The following PRDM16 variants were observed in gnomAD, a reference collection of about 807,000 sequenced individuals.
PRDM16 encodes the protein histone-lysine N-methyltransferase PRDM16.
In PRDM16, 23 loss-of-function variants were observed where a neutral mutation model predicts 110.6. The ratio of observed to expected loss-of-function variants is 0.21; its 90% CI spans 0.15 to 0.29. The LOEUF is 0.29. PRDM16 is among the 10% of genes least tolerant of loss of function. The pLI, the probability that PRDM16 is intolerant of heterozygous loss-of-function variation, is 1.00. For synonymous variants in PRDM16, 799 were observed against 781.8 expected, an observed-to-expected ratio of 1.02 and a Z score of -0.37; for missense variants, 1,615 against 1,794.3, an observed-to-expected ratio of 0.90 and a Z score of 1.81.
At chr1:3,404,914 C>T in intron 7 of PRDM16, 28 bp downstream of exon 7, 1 of 1,606,670 alleles carries the variant, frequency 6.2e-7, no homozygotes, top group Non-Finnish European at 8.5e-7. Flanking sequence ...CCCGTCTCAG[C>T]CCCGGGGCAG....
rs3036535 is a variant in PRDM16 at position 3,335,602 on chromosome 1, A to AACACACACACACACAC, written c.439-49525_439-49510dup. On this transcript the variant is annotated intron_variant, in intron 3 of 16. Transcript: ENST00000270722. ...AAATCTAACCTTTGGCTGAGGTTAA[A>AACACACACACACACAC]ACACACACACACACACACACACACA... Among the ~76,000 whole-genome samples, 1,095 of 144,366 alleles carry AACACACACACACACAC rather than the reference A, an allele frequency of 7.6e-3. 7 individuals are homozygous for AACACACACACACACAC. The highest frequency in any genetic ancestry group is 0.038 in the East Asian group (178 of 4,676). The allele number at this position is 144,366 out of a possible 152,430, so 94.7% of individuals were successfully genotyped here.
chr1:3,334,699 C>T (rs1266934787), intron 3 of PRDM16, among the ~76,000 whole-genome samples: 1 of 152,242 alleles, frequency 6.6e-6, no homozygotes, highest in Non-Finnish European at 1.5e-5. Flanking sequence ...GTGGCCTCCA[C>T]CACCTCCAGG....
Position 3,414,619 on chromosome 1 carries a change from G to A in PRDM16, c.2663G>A (p.Arg888Gln), listed in dbSNP as rs201119848. 4.5e-5 allele frequency: 72 copies of A among 1,613,220 alleles called. 1 individual carries two copies. Among genetic ancestry groups the A allele is most frequent in the Middle Eastern group, 1.6e-4 (1 of 6,080 alleles). Residue 888 changes from arginine (R) to glutamine (Q), a missense_variant, in exon 10 of 17, where the codon CGG (arginine) becomes CAG (glutamine). Physicochemically the swap from Arg to Gln is conservative, Grantham distance 43. Coordinates refer to ENST00000270722, the MANE Select transcript of PRDM16 (RefSeq NM_022114.4). ...PVGALKEKYL[R>Q]PSPLLFHPQM... ...GGAGCCCTGAAGGAGAAGTACCTGCGGCCGTCCCCGCTGCTCTTCCACCCC... is the reference window on the plus strand; with the variant it reads ...GGAGCCCTGAAGGAGAAGTACCTGCAGCCGTCCCCGCTGCTCTTCCACCCC...
chr1:3,385,720 G>A (rs950991066), intron 4 of PRDM16, among the ~76,000 whole-genome samples: 4 of 152,210 alleles, frequency 2.6e-5, no homozygotes, highest in African/African-American at 4.8e-5. Flanking sequence ...AGTCCGCACC[G>A]GCCAATGAGG....
chr1:3,222,921 T>C (rs1639202428), intron 2 of PRDM16, among the ~76,000 whole-genome samples: 1 of 151,688 alleles, frequency 6.6e-6, no homozygotes, highest in Non-Finnish European at 1.5e-5. Context: ...TGGAGTTTGG[T>C]GGGTGGGTTG....
chr1:3,189,972 A>C (rs1432804438), intron 2 of PRDM16, among the ~76,000 whole-genome samples: 1 of 152,254 alleles, frequency 6.6e-6, no homozygotes, highest in Non-Finnish European at 1.5e-5. Flanking sequence ...TAAAATGAGA[A>C]GGTCCAATTT....
intron 1 of PRDM16, among the ~76,000 whole-genome samples, chr1:3,185,154 A>T (rs907581843): frequency 6.6e-6 from 1 of 151,100 alleles, no homozygotes; most frequent in Non-Finnish European, 1.5e-5. Flanking sequence ...TCCTGTCCAG[A>T]CTCCTCCTCG....
intron 3 of PRDM16, among the ~76,000 whole-genome samples, chr1:3,364,686 C>G (rs571906742): frequency 3.3e-5 from 5 of 152,238 alleles, no homozygotes; most frequent in East Asian, 1.9e-4. Context: ...CTTCCTCCCC[C>G]ACTCAGCTGC....
intron 2 of PRDM16, among the ~76,000 whole-genome samples, chr1:3,205,683 G>T (rs1272085602): frequency 6.6e-6 from 1 of 152,144 alleles, no homozygotes; most frequent in Admixed American, 6.5e-5. Flanking sequence ...GTGGAATCTG[G>T]TTATGAGGGC....
intron 1 of PRDM16, among the ~76,000 whole-genome samples, chr1:3,077,090 G>C (rs1177552928): frequency 1.3e-5 from 2 of 152,202 alleles, no homozygotes; most frequent in Non-Finnish European, 2.9e-5. Flanking sequence ...CTTTCTGTGT[G>C]GTGTGCTATG....
At chr1:3,421,189 C>T (rs1638416223) in intron 12 of PRDM16, among the ~76,000 whole-genome samples, 2 of 152,182 alleles carry the variant, frequency 1.3e-5, no homozygotes, top group South Asian at 2.1e-4. Context: ...AAAGCAGATC[C>T]CCCTGTAGTG....
chr1:3,383,200 C>T (rs1206673211), intron 3 of PRDM16, among the ~76,000 whole-genome samples: 1 of 152,246 alleles, frequency 6.6e-6, no homozygotes, highest in African/African-American at 2.4e-5. Flanking sequence ...TGAAATAAGA[C>T]AGGCTTTGAG....
chr1:3,370,111 C>T lies in PRDM16; in HGVS notation c.439-15041C>T, dbSNP rs1569590977. On this transcript the variant is annotated intron_variant, in intron 3 of 16. Coordinates refer to ENST00000270722, the MANE Select transcript of PRDM16 (RefSeq NM_022114.4). The surrounding 1 kb of genome is among the most constrained non-coding windows in gnomAD (Gnocchi z 4.8). The stretch of plus-strand genomic sequence containing the variant: ...CCTGGCCCTTCTCCATGCAACCAGA[C>T]TTTTGCTAAGCACCTACTATGTGCC... Among the ~76,000 whole-genome samples the T allele has an allele frequency of 6.6e-6, 1 of 152,296 alleles. No individual in the cohort carries two copies. Among genetic ancestry groups the T allele is most frequent in the East Asian group, 1.9e-4 (1 of 5,168 alleles).
At position 3,290,244 on chromosome 1, in the gene PRDM16, T is replaced by C. The variant is rs1451431136; in HGVS notation, c.438+46107T>C. Among the ~76,000 whole-genome samples the C allele has an allele frequency of 6.6e-6, 1 of 151,892 alleles. No individual in the cohort carries two copies. Among genetic ancestry groups the C allele is most frequent in the Non-Finnish European group, 1.5e-5 (1 of 67,938 alleles). On this transcript the variant is annotated intron_variant, in intron 3 of 16. Coordinates refer to ENST00000270722, the MANE Select transcript of PRDM16 (RefSeq NM_022114.4). The surrounding 1 kb of genome is among the most constrained non-coding windows in gnomAD (Gnocchi z 4.8). ...GTTTCCAGGCATTTGGAAGTAGACATGGGAAGGAAGGAGCGACGGGGTGGG... is the reference window on the plus strand; with the variant it reads ...GTTTCCAGGCATTTGGAAGTAGACACGGGAAGGAAGGAGCGACGGGGTGGG...
rs533272451 is a variant in PRDM16, at chr1:3,350,561, G to A, written c.439-34591G>A. Among the ~76,000 whole-genome samples, 5 of 152,246 alleles carry A rather than the reference G, an allele frequency of 3.3e-5. No individual in the cohort carries two copies. The South Asian group carries it at 1.0e-3, about 32-fold the overall frequency. On this transcript the variant is annotated intron_variant, in intron 3 of 16. Coordinates refer to ENST00000270722, the MANE Select transcript of PRDM16 (RefSeq NM_022114.4). This position sits in a 1 kb window ranked among gnomAD's most constrained non-coding sequence, Gnocchi z 7.1. ...CAGCAGCCTGCAGGACAAGGGGAGG[G>A]GACCAGGGTGGCAGGCAGCTGTGGG...
At chr1:3,221,715 G>A (rs914211940) in intron 2 of PRDM16, among the ~76,000 whole-genome samples, 8 of 152,266 alleles carry the variant, frequency 5.3e-5, no homozygotes, top group East Asian at 3.9e-4. Flanking sequence ...CCATGTACAC[G>A]CATGCACACA....
intron 1 of PRDM16, among the ~76,000 whole-genome samples, chr1:3,095,267 T>C (rs1236704027): frequency 1.3e-5 from 2 of 152,148 alleles, no homozygotes; most frequent in African/African-American, 4.8e-5. Flanking sequence ...TGGGTTGAGG[T>C]GGCCCAGGGC....
In PRDM16 at chr1:3,432,069, A is replaced by G; in HGVS notation, c.3625A>G (p.Lys1209Glu). The G allele has an allele frequency of 6.2e-7, 1 of 1,614,116 alleles. No individual in the cohort carries two copies. The highest frequency in any genetic ancestry group is 8.5e-7 in the Non-Finnish European group (1 of 1,180,000). ...AGCAGCTGAGGAAGCATTTGAAGTT[A>G]AAGATGTGCTTAATTCCACCTTAGA... The part of the protein sequence containing the change: ...RRAAEEAFEV[K>E]DVLNSTLDSE... Residue 1209 changes from lysine to glutamate, a missense_variant, in exon 16 of 17, where the codon AAA becomes GAA. Coordinates refer to ENST00000270722, the MANE Select transcript of PRDM16 (RefSeq NM_022114.4).
chr1:3,357,155 CCGGGCCCTG>C (rs1642620844), intron 3 of PRDM16, among the ~76,000 whole-genome samples: 2 of 152,100 alleles, frequency 1.3e-5, no homozygotes, highest in African/African-American at 4.8e-5. Flanking sequence ...CTGTCTGGGG[CCGGGCCCTG>C]GGAAGCCTCA....
Sources: gnomAD v4.1 joint callset for allele counts (sites outside exome capture counted in the v4.1 genomes callset) on GRCh38, gnomAD v4.1.1 for gene constraint, Gnocchi (gnomAD v3.1) non-coding constraint, MANE v1.5 for transcripts, NCBI Gene and HGNC (gene_info 2026-07-23, HGNC 2026-07-21) for gene names.